RERG: variants seen among roughly 807,000 people sequenced by gnomAD.
The protein encoded by RERG is ras-related and estrogen-regulated growth inhibitor.
Under a neutral mutation model 23.2 loss-of-function variants are expected in RERG, and 25 were observed. The observed-to-expected ratio is 1.08, with a 90% CI of 0.79 to 1.50. RERG has a LOEUF of 1.50. RERG is among the 40% of genes most tolerant of loss of function. The pLI is 0.00. For missense variants in RERG, 253 were observed against 250.1 expected (o/e 1.01, Z -0.08); for synonymous variants, 81 against 89.1 (o/e 0.91, Z 0.51).
chr12:15,137,384 A>G (rs1366729866), intron 2 of RERG, among the ~76,000 whole-genome samples: 1 of 151,824 alleles, frequency 6.6e-6, no homozygotes, highest in Non-Finnish European at 1.5e-5. Flanking sequence ...GATTACTGAT[A>G]TATGAAATTA....
At chr12:15,214,052 T>C (rs1865409026) in intron 2 of RERG, among the ~76,000 whole-genome samples, 1 of 149,856 alleles carries the variant, frequency 6.7e-6, no homozygotes, top group African/African-American at 2.5e-5. Flanking sequence ...GTGTGTGGAG[T>C]TTTTACCTTA....
At chr12:15,116,028 A>G (rs1035990170) in intron 3 of RERG, among the ~76,000 whole-genome samples, 2 of 152,224 alleles carry the variant, frequency 1.3e-5, no homozygotes, top group Non-Finnish European at 2.9e-5. Flanking sequence ...GTGTATGCAC[A>G]GTGATTCGCA....
In RERG at chr12:15,212,535, A is replaced by T. The variant is rs186631469; in HGVS notation, c.61+4894T>A. On this transcript the variant is annotated intron_variant, in intron 2 of 4. Coordinates refer to ENST00000256953, the MANE Select transcript of RERG (RefSeq NM_032918.3). ...TTACATGATTATGAGATGCTTACAC[A>T]TCCCAAACCCCCTAGATTTTTCTTT... is the stretch of plus-strand genomic sequence containing the variant. Among the ~76,000 whole-genome samples, 710 of 152,324 alleles carry T rather than the reference A, an allele frequency of 4.7e-3. 5 individuals are homozygous for T. Among genetic ancestry groups the T allele is most frequent in the African/African-American group, 0.016 (677 of 41,568 alleles).
chr12:15,137,021 C>T (rs1018515168), intron 2 of RERG, among the ~76,000 whole-genome samples: 9 of 151,860 alleles, frequency 5.9e-5, no homozygotes, highest in East Asian at 3.9e-4. Flanking sequence ...ACTATAATGG[C>T]GGATTCGTCT....
chr12:15,126,042 C>T (rs183888442), intron 2 of RERG, among the ~76,000 whole-genome samples: 9 of 148,832 alleles, frequency 6.0e-5, no homozygotes, highest in Non-Finnish European at 1.0e-4. Context: ...GGCTTTGCTA[C>T]CAGGGAGCTT....
intron 2 of RERG, among the ~76,000 whole-genome samples, chr12:15,126,724 C>CTTTTTTT (rs71042228): frequency 8.3e-5 from 11 of 132,460 alleles, no homozygotes; most frequent in Non-Finnish European, 1.3e-4. Flanking sequence ...CTTTTTCTTT[C>CTTTTTTT]TTTTTTTTTT....
Position 15,109,205 on chromosome 12 carries a change from G to A in RERG, c.505C>T (p.Arg169Cys). 13 of 1,613,746 alleles carry A rather than the reference G, an allele frequency of 8.1e-6. No individual in the cohort carries two copies. The highest frequency in any genetic ancestry group is 1.7e-5 in the Admixed American group (1 of 59,986). The change falls in exon 5 of 5, where the codon CGC (arginine) becomes TGC (cysteine). Residue 169 changes from arginine to cysteine, a missense_variant. Coordinates refer to ENST00000256953, the MANE Select transcript of RERG (RefSeq NM_032918.3). ...GTCTTGCCCTGCACCATCCTCCGGC[G>A]ACGCACCTCTCGACACAATTCATAG... Reference protein sequence around the residue: ...IFYELCREVRRRRMVQGKTRR... With the variant: ...IFYELCREVRCRRMVQGKTRR...
chr12:15,208,828 A>AT lies in RERG; in HGVS notation c.61+8600dup, dbSNP rs531389681. The stretch of plus-strand genomic sequence containing the variant: ...AAGCTTTAATTTTTATAACGATAAG[A>AT]TTTGATTATTAAAACATTATATAAA... On this transcript the variant is annotated intron_variant, in intron 2 of 4. Coordinates refer to ENST00000256953, the MANE Select transcript of RERG (RefSeq NM_032918.3). Among the ~76,000 whole-genome samples the AT allele has an allele frequency of 2.0e-5, 3 of 152,306 alleles. No homozygotes were observed. The East Asian group carries it at 5.8e-4, about 29-fold the overall frequency.
chr12:15,187,879 T>C (rs1012150812), intron 2 of RERG, among the ~76,000 whole-genome samples: 1 of 152,066 alleles, frequency 6.6e-6, no homozygotes, highest in East Asian at 1.9e-4. Context: ...TCTTGAGTTA[T>C]ACTAGATGAA....
chr12:15,125,237 A>T (rs1591637218), intron 2 of RERG, among the ~76,000 whole-genome samples: 2 of 152,100 alleles, frequency 1.3e-5, no homozygotes, highest in South Asian at 4.1e-4. Flanking sequence ...ATATAAAGAG[A>T]AGGTAAATGT....
At chr12:15,194,523 T>C (rs1865116737) in intron 2 of RERG, among the ~76,000 whole-genome samples, 1 of 147,278 alleles carries the variant, frequency 6.8e-6, no homozygotes, top group Non-Finnish European at 1.5e-5. Context: ...AAAAAAAAGC[T>C]TGGTGTTCAA....
chr12:15,220,130 C>T (rs552266870), intron 1 of RERG, among the ~76,000 whole-genome samples: 3 of 152,252 alleles, frequency 2.0e-5, no homozygotes, highest in South Asian at 4.1e-4. Flanking sequence ...TAAACTGTTG[C>T]CAAGTTTCTG....
chr12:15,216,309 C>A (rs1333599131), intron 2 of RERG, among the ~76,000 whole-genome samples: 1 of 152,078 alleles, frequency 6.6e-6, no homozygotes, highest in Non-Finnish European at 1.5e-5. Flanking sequence ...CTGCCAGAGG[C>A]AAGAGCAAAC....
In RERG at chr12:15,123,624, T is replaced by C. The variant is rs1470937296; in HGVS notation, c.62-2505A>G. ...TAATTTATTAAATTTATATAATAAA[T>C]ATTAAAACTTATTAATTTTTAAGTT... is the stretch of plus-strand genomic sequence containing the variant. On this transcript the variant is annotated intron_variant, in intron 2 of 4. Coordinates refer to ENST00000256953, the MANE Select transcript of RERG (RefSeq NM_032918.3). Among the ~76,000 whole-genome samples the C allele has an allele frequency of 3.0e-5, 3 of 101,480 alleles. No homozygotes were observed. The East Asian group carries it at 7.3e-4, about 25-fold the overall frequency. 66.6% of individuals were successfully genotyped at this position (101,480 alleles called of 152,430 possible). A position where few individuals can be genotyped will look rare whatever the true frequency, so the allele number is the denominator to read the frequency against.
At chr12:15,196,532 A>G (rs1014342507) in intron 2 of RERG, among the ~76,000 whole-genome samples, 5 of 152,196 alleles carry the variant, frequency 3.3e-5, no homozygotes, top group Admixed American at 2.0e-4. Context: ...ATGAAGGTCA[A>G]TCAGGTCCTC....
At chr12:15,159,692 C>T (rs1310556229) in intron 2 of RERG, among the ~76,000 whole-genome samples, 2 of 152,184 alleles carry the variant, frequency 1.3e-5, no homozygotes, top group African/African-American at 4.8e-5. Flanking sequence ...GGCGTGGTGG[C>T]GGGCGCCTGT....
At chr12:15,150,088 C>G (rs1864413580) in intron 2 of RERG, among the ~76,000 whole-genome samples, 2 of 152,216 alleles carry the variant, frequency 1.3e-5, no homozygotes, top group African/African-American at 4.8e-5. Context: ...AGAGTAGGTA[C>G]AAGGCCAAGA....
At chr12:15,125,290 T>A (rs1863918038) in intron 2 of RERG, among the ~76,000 whole-genome samples, 1 of 152,052 alleles carries the variant, frequency 6.6e-6, no homozygotes, top group Admixed American at 6.5e-5. Context: ...GGTTGTGATA[T>A]GTATATTTAC....
In RERG at chr12:15,109,263, GGCAGA is replaced by G; in HGVS notation, c.442_446del (p.Ser148LeufsTer13). On this transcript the variant is annotated frameshift_variant, in exon 5 of 5. Coordinates refer to ENST00000256953, the MANE Select transcript of RERG (RefSeq NM_032918.3). LOFTEE classifies it high-confidence loss of function. ...CTGTGATGTTCCCTTCTCCAGTGCA[GGCAGA>G]GCACTCGTAAAAAGCACAAGCCAAT... 6.2e-7 allele frequency: 1 copy of G among 1,614,120 alleles called. No individual in the cohort carries two copies. The highest frequency in any genetic ancestry group is 1.1e-5 in the South Asian group (1 of 91,076).
Sources: allele counts gnomAD v4.1 joint callset (sites outside exome capture counted in the v4.1 genomes callset), GRCh38; gene constraint gnomAD v4.1.1; transcripts MANE v1.5; gene names NCBI Gene and HGNC (gene_info 2026-07-23, HGNC 2026-07-21).